YIPF4: variants seen among roughly 807,000 people sequenced by gnomAD.
The protein encoded by YIPF4 is protein YIPF4.
A neutral mutation model predicts 29.4 loss-of-function variants in YIPF4; 18 were observed. The ratio of observed to expected loss-of-function variants is 0.61; its 90% CI spans 0.42 to 0.91. The LOEUF (loss-of-function observed/expected upper bound fraction) is 0.91, where lower values mean the gene tolerates loss of function less well. Ranked by LOEUF, YIPF4 falls within the 40% of genes least tolerant of loss-of-function variation. YIPF4 has a pLI of 0.00. For synonymous variants in YIPF4, 115 were observed against 104.7 expected, an observed-to-expected ratio of 1.10 and a Z score of -0.60; for missense variants, 279 against 282.7, an observed-to-expected ratio of 0.99 and a Z score of 0.09.
At position 32,305,822 on chromosome 2, in the gene YIPF4, C is replaced by T; in HGVS notation, c.*196C>T. 1 of 1,207,872 alleles carries T rather than the reference C, an allele frequency of 8.3e-7. No individual in the cohort carries two copies. Among genetic ancestry groups the T allele is most frequent in the Non-Finnish European group, 1.0e-6 (1 of 973,612 alleles). 74.8% of individuals were successfully genotyped at this position (1,207,872 alleles called of 1,614,324 possible). The stretch of plus-strand genomic sequence containing the variant: ...TTGCAGTTATCTGGGATTTTTGGGT[C>T]AGAATTTTAAATTCTGTTTGATTCT... On this transcript the variant is annotated 3_prime_UTR_variant, in exon 6 of 6. Coordinates refer to ENST00000238831, the MANE Select transcript of YIPF4 (RefSeq NM_032312.4).
intron 3 of YIPF4, among the ~76,000 whole-genome samples, chr2:32,293,958 C>G (rs567104939): frequency 1.4e-5 from 2 of 145,478 alleles, no homozygotes; most frequent in East Asian, 4.2e-4. Context: ...CCCCCAACCT[C>G]CCTCCCGGAC....
Position 32,306,630 on chromosome 2 carries a change from AC to A in YIPF4, c.*1005del, listed in dbSNP as rs752540005. ...CTTGATATTTTAACAAGTATCAGGT[AC>A]TCTCTAACAAATGTACAGTTTTTGC... On this transcript the variant is annotated 3_prime_UTR_variant, in exon 6 of 6. Coordinates refer to ENST00000238831, the MANE Select transcript of YIPF4 (RefSeq NM_032312.4). 1 of 978,810 alleles carries A rather than the reference AC, an allele frequency of 1.0e-6. No homozygotes were observed. The highest frequency in any genetic ancestry group is 1.2e-6 in the Non-Finnish European group (1 of 823,942). 60.6% of individuals were successfully genotyped at this position (978,810 alleles called of 1,614,324 possible).
chr2:32,315,169 A>G lies in YIPF4; in HGVS notation c.*9543A>G, dbSNP rs1268951787. On this transcript the variant is annotated 3_prime_UTR_variant, in exon 6 of 6. Coordinates refer to ENST00000238831, the MANE Select transcript of YIPF4 (RefSeq NM_032312.4). ...AAGTTATTTCACCTCTAAGTATTAC[A>G]TCTACATTTCAAGCAGGAAGAAGAT... 1 of 152,134 alleles carries G rather than the reference A, an allele frequency of 6.6e-6. No homozygotes were observed. The allele number at this position is 152,134 out of a possible 1,614,324, so 9.4% of individuals were successfully genotyped here.
At chr2:32,302,149 G>A (rs1200350927) in intron 5 of YIPF4, among the ~76,000 whole-genome samples, 1 of 150,904 alleles carries the variant, frequency 6.6e-6, no homozygotes. Context: ...TTCTGCTTCA[G>A]CCTCTCATGT....
At position 32,290,556 on chromosome 2, in the gene YIPF4, T is replaced by G; in HGVS notation, c.153T>G (p.Ala51=). Residue 51 remains alanine, a synonymous_variant, in exon 2 of 6, where the codon GCT becomes GCG. Coordinates refer to ENST00000238831, the MANE Select transcript of YIPF4 (RefSeq NM_032312.4). ...LGGDFIKEST[A]TTFLRQRGYG... ...GAGATTTTATCAAAGAATCTACAGCTACTACATTTCTGAGACAAAGAGGTT... is the reference window on the plus strand; with the variant it reads ...GAGATTTTATCAAAGAATCTACAGCGACTACATTTCTGAGACAAAGAGGTT... 10 of 1,591,904 alleles carry G rather than the reference T, an allele frequency of 6.3e-6. No individual in the cohort carries two copies. The highest frequency in any genetic ancestry group is 8.6e-6 in the Non-Finnish European group (10 of 1,169,370).
intron 1 of YIPF4, among the ~76,000 whole-genome samples, chr2:32,288,464 T>C (rs1456536152): frequency 6.6e-6 from 1 of 152,210 alleles, no homozygotes; most frequent in Non-Finnish European, 1.5e-5. Flanking sequence ...AAACCTCTAA[T>C]GTCACTGCTG....
intron 3 of YIPF4, among the ~76,000 whole-genome samples, chr2:32,293,981 TG>T (rs1368861206): frequency 8.6e-6 from 1 of 116,032 alleles, no homozygotes; most frequent in African/African-American, 3.4e-5. Flanking sequence ...GGCGGCTGGC[TG>T]GGCAGGGGGC....
chr2:32,288,590 ATC>A (rs1223335051), intron 1 of YIPF4, among the ~76,000 whole-genome samples: 5 of 152,246 alleles, frequency 3.3e-5, no homozygotes, highest in African/African-American at 9.6e-5. Context: ...TGGGCAGATT[ATC>A]TGAGGTCAGG....
At chr2:32,304,336 A>G (rs1460122251) in intron 5 of YIPF4, among the ~76,000 whole-genome samples, 1 of 152,172 alleles carries the variant, frequency 6.6e-6, no homozygotes, top group East Asian at 1.9e-4. Flanking sequence ...TAATCATGAA[A>G]TACAAATGCA....
At position 32,306,700 on chromosome 2, in the gene YIPF4, C is replaced by G; in HGVS notation, c.*1074C>G. On this transcript the variant is annotated 3_prime_UTR_variant, in exon 6 of 6. Coordinates refer to ENST00000238831, the MANE Select transcript of YIPF4 (RefSeq NM_032312.4). The stretch of plus-strand genomic sequence containing the variant: ...ATTTTTATCAGTGAAATATTTGTTG[C>G]AAATAATTTCATAGGTTTTTAGATA... 4.4e-6 allele frequency: 3 copies of G among 674,690 alleles called. No individual in the cohort carries two copies. Among genetic ancestry groups the G allele is most frequent in the Non-Finnish European group, 5.5e-6 (3 of 546,574 alleles). The allele number at this position is 674,690 out of a possible 1,614,324, so 41.8% of individuals were successfully genotyped here.
At chr2:32,300,375 G>C (rs907451975) in intron 4 of YIPF4, among the ~76,000 whole-genome samples, 1 of 151,678 alleles carries the variant, frequency 6.6e-6, no homozygotes, top group Admixed American at 6.6e-5. Flanking sequence ...CGGAGGTTGC[G>C]GTGAGCCGAG....
intron 1 of YIPF4, among the ~76,000 whole-genome samples, chr2:32,288,151 G>C (rs2030755502): frequency 6.6e-6 from 1 of 152,048 alleles, no homozygotes; most frequent in Non-Finnish European, 1.5e-5. Flanking sequence ...TGACAGTTAT[G>C]TCTTGGGGGT....
intron 1 of YIPF4, 90 bp from the exon 2 acceptor site, chr2:32,290,393 A>G (rs944374477): frequency 1.3e-5 from 13 of 995,328 alleles, no homozygotes; most frequent in African/African-American, 8.4e-5. Context: ...TCTTCAAATG[A>G]TAATTATTTT....
chr2:32,306,457 A>G lies in YIPF4; in HGVS notation c.*831A>G, dbSNP rs1026893665. 1 of 983,912 alleles carries G rather than the reference A, an allele frequency of 1.0e-6. No individual in the cohort carries two copies. Among genetic ancestry groups the G allele is most frequent in the Admixed American group, 6.2e-5 (1 of 16,256 alleles). The allele number at this position is 983,912 out of a possible 1,614,324, so 60.9% of individuals were successfully genotyped here. A position where few individuals can be genotyped will look rare whatever the true frequency, so the allele number is the denominator to read the frequency against. ...AAACAGTAATATTTACAGCATCAGT[A>G]AATATTTTTAAGTGGTACTTCTAAA... On this transcript the variant is annotated 3_prime_UTR_variant, in exon 6 of 6. Coordinates refer to ENST00000238831, the MANE Select transcript of YIPF4 (RefSeq NM_032312.4).
intron 1 of YIPF4, among the ~76,000 whole-genome samples, chr2:32,281,255 T>A (rs2030400010): frequency 6.6e-6 from 1 of 152,114 alleles, no homozygotes; most frequent in Non-Finnish European, 1.5e-5. Flanking sequence ...TTTTTTCCTT[T>A]TTTGAGACAG....
intron 1 of YIPF4, among the ~76,000 whole-genome samples, chr2:32,280,906 G>C (rs2030379478): frequency 6.6e-6 from 1 of 152,162 alleles, no homozygotes; most frequent in South Asian, 2.1e-4. Context: ...TAAAAAAATT[G>C]TTTAAGTGTC....
rs1267047068 is a variant in YIPF4, at chr2:32,311,634, A to G, written c.*6008A>G. On this transcript the variant is annotated 3_prime_UTR_variant, in exon 6 of 6. Transcript: ENST00000238831. ...TATTTTGAAGTTGTAATTAGTGTAT[A>G]TACAAGTTGTTAATACTTACGAAAA... The G allele has an allele frequency of 1.3e-5, 2 of 152,226 alleles. No individual in the cohort carries two copies. Among genetic ancestry groups the G allele is most frequent in the East Asian group, 3.8e-4 (2 of 5,202 alleles). The allele number at this position is 152,226 out of a possible 1,614,324, so 9.4% of individuals were successfully genotyped here.
chr2:32,278,395 G>A (rs1419148821), intron 1 of YIPF4, among the ~76,000 whole-genome samples, 161 bp downstream of exon 1: 1 of 152,322 alleles, frequency 6.6e-6, no homozygotes, highest in South Asian at 2.1e-4. Context: ...GAGAGGCCCC[G>A]AAGGACGGAG....
At chr2:32,284,596 G>T (rs2030574488) in intron 1 of YIPF4, among the ~76,000 whole-genome samples, 2 of 152,166 alleles carry the variant, frequency 1.3e-5, no homozygotes, top group South Asian at 4.1e-4. Context: ...AGTTTCCTAA[G>T]GCATACCCAG....
Sources: allele counts gnomAD v4.1 joint callset (sites outside exome capture counted in the v4.1 genomes callset), GRCh38; gene constraint gnomAD v4.1.1; transcripts MANE v1.5; gene names NCBI Gene and HGNC (gene_info 2026-07-23, HGNC 2026-07-21).